COX7B2: variants seen among roughly 807,000 people sequenced by gnomAD.
The protein encoded by COX7B2 is cytochrome c oxidase subunit 7B2, also known as cytochrome c oxidase subunit 7B2, mitochondrial.
For synonymous variants in COX7B2, 37 were observed against 32.1 expected (o/e 1.15, Z -0.51); for missense variants, 109 against 95.9 (o/e 1.14, Z -0.57).
At chr4:46,791,793 G>C (rs1203462885) in intron 2 of COX7B2, among the ~76,000 whole-genome samples, 1 of 152,056 alleles carries the variant, frequency 6.6e-6, no homozygotes, top group Non-Finnish European at 1.5e-5. Flanking sequence ...CCTTTCCATA[G>C]GACACTGAAA....
chr4:46,751,989 A>G (rs1313861710), intron 2 of COX7B2, among the ~76,000 whole-genome samples: 1 of 152,110 alleles, frequency 6.6e-6, no homozygotes, highest in East Asian at 1.9e-4. Context: ...ATGGCATTGA[A>G]TCTATAAGTT....
At chr4:46,844,897 T>G (rs1716170424) in intron 2 of COX7B2, 63 bp downstream of exon 2, 2 of 152,050 alleles carry the variant, frequency 1.3e-5, no homozygotes, top group South Asian at 4.1e-4. Flanking sequence ...ACCAGAACTT[T>G]AACTTTTACT....
intron 1 of COX7B2, chr4:46,903,883 T>G (rs1244482607): frequency 3.3e-5 from 5 of 152,190 alleles, no homozygotes; most frequent in African/African-American, 4.8e-5. Context: ...CACCTAATGA[T>G]GCATTTTTCA....
chr4:46,880,777 G>A (rs374682656), intron 1 of COX7B2, among the ~76,000 whole-genome samples: 4 of 147,754 alleles, frequency 2.7e-5, no homozygotes, highest in African/African-American at 9.9e-5. Flanking sequence ...CTCACTCATA[G>A]GTGGGAATTG....
intron 1 of COX7B2, among the ~76,000 whole-genome samples, chr4:46,865,573 T>C (rs1238336813): frequency 1.3e-5 from 2 of 152,174 alleles, no homozygotes; most frequent in African/African-American, 4.8e-5. Context: ...ACTCTTTCTC[T>C]ACCGCTTTGA....
chr4:46,795,826 C>T (rs1262097551), intron 2 of COX7B2, among the ~76,000 whole-genome samples: 2 of 17,856 alleles, frequency 1.1e-4, no homozygotes, highest in Non-Finnish European at 2.2e-4. Context: ...TTCTTCCTAC[C>T]CATGAGCATG....
intron 2 of COX7B2, among the ~76,000 whole-genome samples, chr4:46,823,035 A>C (rs1436318159): frequency 6.6e-6 from 1 of 152,164 alleles, no homozygotes; most frequent in Non-Finnish European, 1.5e-5. Flanking sequence ...TAACATGGAA[A>C]TGTGCCAGTG....
chr4:46,752,739 T>G lies in COX7B2; in HGVS notation c.-49-17498A>C, dbSNP rs569120482. On this transcript the variant is annotated intron_variant, in intron 2 of 2. Transcript: ENST00000355591. ...ATTACAATTATTGATTTGCATATGT[T>G]GAACCAGCCTTGCATCCCATGGATG... Among the ~76,000 whole-genome samples, 222 of 152,330 alleles carry G rather than the reference T, an allele frequency of 1.5e-3. 1 individual carries two copies. The highest frequency in any genetic ancestry group is 2.7e-3 in the Non-Finnish European group (183 of 68,034).
chr4:46,860,516 T>C (rs1208360883), intron 1 of COX7B2, among the ~76,000 whole-genome samples: 1 of 152,098 alleles, frequency 6.6e-6, no homozygotes, highest in African/African-American at 2.4e-5. Flanking sequence ...CAGCATCATT[T>C]TGGCTTCTGC....
chr4:46,760,489 T>C (rs549690086), intron 2 of COX7B2, among the ~76,000 whole-genome samples: 1 of 152,014 alleles, frequency 6.6e-6, no homozygotes, highest in East Asian at 1.9e-4. Context: ...TTCTCACTCA[T>C]AAGTGGGAGT....
At chr4:46,792,124 T>C (rs573980854) in intron 2 of COX7B2, among the ~76,000 whole-genome samples, 3 of 152,202 alleles carry the variant, frequency 2.0e-5, no homozygotes, top group Non-Finnish European at 4.4e-5. Flanking sequence ...GGATCATTTA[T>C]GGTGGCAAAA....
chr4:46,805,398 T>C (rs2109642746), intron 2 of COX7B2, among the ~76,000 whole-genome samples: 1 of 152,378 alleles, frequency 6.6e-6, no homozygotes, highest in South Asian at 2.1e-4. Flanking sequence ...GTAAGTAATA[T>C]ACCACAAAAC....
intron 2 of COX7B2, among the ~76,000 whole-genome samples, chr4:46,832,637 G>C (rs1024546154): frequency 6.6e-6 from 1 of 152,118 alleles, no homozygotes; most frequent in Non-Finnish European, 1.5e-5. Context: ...GGTATCTAGA[G>C]GGAGGTGATT....
intron 2 of COX7B2, among the ~76,000 whole-genome samples, chr4:46,769,159 T>A (rs1268547839): frequency 6.6e-6 from 1 of 152,076 alleles, no homozygotes; most frequent in Non-Finnish European, 1.5e-5. Context: ...AAAGAATGTA[T>A]GTCAATCCTT....
intron 2 of COX7B2, among the ~76,000 whole-genome samples, chr4:46,745,732 T>C (rs1411689180): frequency 6.6e-6 from 1 of 152,188 alleles, no homozygotes; most frequent in Non-Finnish European, 1.5e-5. Flanking sequence ...TAGTTTTTCT[T>C]TTAAGTTCCT....
chr4:46,782,219 C>A (rs1182913711), intron 2 of COX7B2, among the ~76,000 whole-genome samples: 1 of 152,056 alleles, frequency 6.6e-6, no homozygotes, highest in Non-Finnish European at 1.5e-5. Context: ...TGTGGATGCA[C>A]CAATCAGCAC....
intron 2 of COX7B2, among the ~76,000 whole-genome samples, chr4:46,805,205 C>G (rs1217930830): frequency 6.6e-6 from 1 of 152,218 alleles, no homozygotes; most frequent in African/African-American, 2.4e-5. Context: ...AGGGAGCCGG[C>G]TCTGGCCTTG....
At chr4:46,861,956 A>T (rs1252828502) in intron 1 of COX7B2, among the ~76,000 whole-genome samples, 1 of 151,800 alleles carries the variant, frequency 6.6e-6, no homozygotes, top group African/African-American at 2.4e-5. Context: ...CCCAGCCTAC[A>T]CTCCCTACTA....
At chr4:46,847,549 T>A (rs561811602) in intron 1 of COX7B2, among the ~76,000 whole-genome samples, 1 of 152,102 alleles carries the variant, frequency 6.6e-6, no homozygotes, top group Non-Finnish European at 1.5e-5. Flanking sequence ...GTGAGCAGAC[T>A]TCTGACACAC....
Sources: gnomAD v4.1 joint callset for allele counts (sites outside exome capture counted in the v4.1 genomes callset) on GRCh38, gnomAD v4.1.1 for gene constraint, MANE v1.5 for transcripts, NCBI Gene and HGNC (gene_info 2026-07-23, HGNC 2026-07-21) for gene names.